Variants in CACNA2D1 observed in about 807,000 individuals in gnomAD.
CACNA2D1 encodes the protein calcium voltage-gated channel auxiliary subunit alpha2delta 1, also known as voltage-dependent calcium channel subunit alpha-2/delta-1.
A neutral mutation model predicts 171.5 loss-of-function variants in CACNA2D1; 53 were observed. The ratio of observed to expected loss-of-function variants is 0.31; its 90% confidence interval spans 0.25 to 0.39. The LOEUF (loss-of-function observed/expected upper bound fraction) is 0.39, where lower values mean the gene tolerates loss of function less well. Among genes scored for constraint, CACNA2D1 ranks in the 10% least tolerant of loss-of-function variants. The probability of loss-of-function intolerance (pLI) is 1.00; values close to 1 mark genes in which losing one functional copy is unlikely to be tolerated. For synonymous variants in CACNA2D1, 442 were observed against 443.1 expected (o/e 1.00, Z 0.03); for missense variants, 903 against 1,299.8 (o/e 0.69, Z 4.69).
At chr7:82,197,546 G>A (rs1585072036) in intron 3 of CACNA2D1, among the ~76,000 whole-genome samples, 1 of 151,974 alleles carries the variant, frequency 6.6e-6, no homozygotes, top group Admixed American at 6.6e-5. Flanking sequence ...TCTTTTTGTT[G>A]TATGGTAGAA....
At position 82,168,439 on chromosome 7, in the gene CACNA2D1, C is replaced by T. The variant is rs377691537; in HGVS notation, c.354+2111G>A. 3.0e-4 allele frequency among the ~76,000 whole-genome samples: 46 copies of T among 152,156 alleles called. No individual in the cohort carries two copies. The East Asian group carries it at 4.7e-3, about 15-fold the overall frequency. ...GATTACAGGTGTAAGCCACCATGCC[C>T]GGCCAAGTGGCTTTTTCTTAGAAAT... On this transcript the variant is annotated intron_variant, in intron 4 of 38. Coordinates refer to ENST00000356860, the MANE Select transcript of CACNA2D1 (RefSeq NM_000722.4).
intron 2 of CACNA2D1, among the ~76,000 whole-genome samples, chr7:82,338,211 C>T (rs1188900239): frequency 2.0e-5 from 3 of 152,008 alleles, no homozygotes; most frequent in Admixed American, 1.3e-4. Context: ...GATATAATTG[C>T]TTAACAAAAT....
chr7:82,143,106 G>GA (rs1373195625), intron 4 of CACNA2D1, among the ~76,000 whole-genome samples: 2 of 151,774 alleles, frequency 1.3e-5, no homozygotes, highest in Non-Finnish European at 2.9e-5. Flanking sequence ...AGTGCTCCAG[G>GA]AAAAAAAGTA....
intron 7 of CACNA2D1, among the ~76,000 whole-genome samples, chr7:82,079,512 A>G (rs1390443787): frequency 6.6e-6 from 1 of 151,864 alleles, no homozygotes; most frequent in Non-Finnish European, 1.5e-5. Context: ...GCCAACATGG[A>G]GAAAACCCGT....
chr7:82,393,465 T>C (rs932952315), intron 1 of CACNA2D1, among the ~76,000 whole-genome samples: 1 of 152,202 alleles, frequency 6.6e-6, no homozygotes, highest in Non-Finnish European at 1.5e-5. Context: ...ATAAGATATA[T>C]ATTGAAATTA....
chr7:82,118,005 G>GC (rs1363521915), intron 5 of CACNA2D1, among the ~76,000 whole-genome samples: 1 of 152,008 alleles, frequency 6.6e-6, no homozygotes, highest in East Asian at 1.9e-4. Flanking sequence ...CTTGCTTTTT[G>GC]CATGTTTTTC....
At chr7:82,415,001 C>T (rs2129455919) in intron 1 of CACNA2D1, among the ~76,000 whole-genome samples, 1 of 152,310 alleles carries the variant, frequency 6.6e-6, no homozygotes, top group Non-Finnish European at 1.5e-5. Context: ...AAACAACTTT[C>T]TAAATTAGCT....
At chr7:82,087,292 C>T (rs1005164390) in intron 6 of CACNA2D1, among the ~76,000 whole-genome samples, 1 of 152,048 alleles carries the variant, frequency 6.6e-6, no homozygotes, top group Non-Finnish European at 1.5e-5. Context: ...AATCAAAATT[C>T]AAAGACGATC....
At chr7:82,037,575 C>T (rs1803451968) in intron 11 of CACNA2D1, among the ~76,000 whole-genome samples, 1 of 152,142 alleles carries the variant, frequency 6.6e-6, no homozygotes, top group Admixed American at 6.5e-5. Flanking sequence ...AATCCTCACT[C>T]AGAAAGAATT....
At chr7:81,992,319 T>C (rs1397807852) in intron 20 of CACNA2D1, among the ~76,000 whole-genome samples, 1 of 152,090 alleles carries the variant, frequency 6.6e-6, no homozygotes, top group Admixed American at 6.6e-5. Context: ...AATTTATTGA[T>C]GAAGAAATAA....
intron 1 of CACNA2D1, among the ~76,000 whole-genome samples, chr7:82,391,277 G>T (rs1189962306): frequency 6.6e-6 from 1 of 152,192 alleles, no homozygotes; most frequent in Non-Finnish European, 1.5e-5. Flanking sequence ...TATATAATTA[G>T]ATGGAAACAA....
At chr7:82,036,630 C>G (rs192276345) in intron 11 of CACNA2D1, among the ~76,000 whole-genome samples, 12 of 152,246 alleles carry the variant, frequency 7.9e-5, no homozygotes, top group Admixed American at 7.2e-4. Context: ...TGATTTAGCA[C>G]TCAGAGCAGC....
intron 1 of CACNA2D1, among the ~76,000 whole-genome samples, chr7:82,363,037 T>A (rs1194767414): frequency 6.6e-6 from 1 of 152,112 alleles, no homozygotes; most frequent in Non-Finnish European, 1.5e-5. Context: ...AAATAAGACC[T>A]ATTCTTTACA....
intron 20 of CACNA2D1, among the ~76,000 whole-genome samples, chr7:81,993,574 T>G (rs1239333157): frequency 1.3e-5 from 2 of 152,124 alleles, no homozygotes; most frequent in Non-Finnish European, 1.5e-5. Context: ...CACCTTAAAA[T>G]TAGAATAATA....
intron 4 of CACNA2D1, among the ~76,000 whole-genome samples, chr7:82,152,865 G>A (rs919636583): frequency 1.3e-5 from 2 of 151,696 alleles, no homozygotes; most frequent in African/African-American, 4.8e-5. Flanking sequence ...AGAATTATTG[G>A]GCATTGTTCA....
intron 3 of CACNA2D1, among the ~76,000 whole-genome samples, chr7:82,307,430 T>G (rs1237866300): frequency 6.6e-6 from 1 of 151,782 alleles, no homozygotes; most frequent in Non-Finnish European, 1.5e-5. Context: ...GTGGTGGGAT[T>G]ACAGGAGCGA....
At chr7:82,424,045 T>A (rs1828959413) in intron 1 of CACNA2D1, among the ~76,000 whole-genome samples, 1 of 152,218 alleles carries the variant, frequency 6.6e-6, no homozygotes, top group Non-Finnish European at 1.5e-5. Flanking sequence ...ACCTTTGCAA[T>A]GGATATAAAA....
intron 12 of CACNA2D1, among the ~76,000 whole-genome samples, chr7:82,030,393 G>A (rs1228240880): frequency 6.9e-6 from 1 of 145,818 alleles, no homozygotes; most frequent in South Asian, 2.2e-4. Context: ...GATGTATAGA[G>A]AATTCCGAAA....
intron 3 of CACNA2D1, among the ~76,000 whole-genome samples, chr7:82,182,981 A>G (rs1797302159): frequency 6.6e-6 from 1 of 151,540 alleles, no homozygotes; most frequent in Non-Finnish European, 1.5e-5. Context: ...AAGATGCAGT[A>G]AGCGGAGATT....
Sources: allele counts gnomAD v4.1 joint callset (sites outside exome capture counted in the v4.1 genomes callset), GRCh38; gene constraint gnomAD v4.1.1; transcripts MANE v1.5; gene names NCBI Gene and HGNC (gene_info 2026-07-23, HGNC 2026-07-21).